PARP9: variants seen among roughly 807,000 people sequenced by gnomAD.
PARP9 encodes poly(ADP-ribose) polymerase family member 9, also known as protein mono-ADP-ribosyltransferase PARP9.
Under a neutral mutation model 68.8 loss-of-function variants are expected in PARP9, and 48 were observed. That is an observed-to-expected ratio of 0.70 (90% confidence interval 0.55 to 0.89). The LOEUF is 0.89. PARP9 is among the 40% of genes least tolerant of loss of function. The pLI, the probability that PARP9 is intolerant of heterozygous loss-of-function variation, is 0.00. For synonymous variants in PARP9, 309 were observed against 333.8 expected, an observed-to-expected ratio of 0.93 and a Z score of 0.81; for missense variants, 806 against 969.3, an observed-to-expected ratio of 0.83 and a Z score of 2.24.
intron 10 of PARP9, chr3:122,535,455 G>A (rs1448736320): frequency 1.0e-6 from 1 of 985,276 alleles, no homozygotes; most frequent in African/African-American, 1.7e-5. Context: ...ATATTTAATA[G>A]ACCAAGCAAA....
chr3:122,533,477 G>T (rs2077440114), intron 10 of PARP9: 1 of 160,966 alleles, frequency 6.2e-6, no homozygotes, highest in Non-Finnish European at 1.3e-5. Context: ...ATTGAGGTAG[G>T]AGTTGAGGCC....
intron 6 of PARP9, among the ~76,000 whole-genome samples, chr3:122,548,810 G>C (rs558096731): frequency 6.6e-6 from 1 of 152,106 alleles, no homozygotes; most frequent in Non-Finnish European, 1.5e-5. Flanking sequence ...AAAAGAATGG[G>C]TTGAATTTGA....
chr3:122,555,835 T>G lies in PARP9; in HGVS notation c.336A>C (p.Gly112=). The G allele has an allele frequency of 6.2e-7, 1 of 1,613,850 alleles. No homozygotes were observed. The highest frequency in any genetic ancestry group is 8.5e-7 in the Non-Finnish European group (1 of 1,179,994). ...CTTTTACCAGGGCCAGGGCCAGGCC[T>G]CCCCCATGCAGAAGATCTTCATTGG... is the stretch of plus-strand genomic sequence containing the variant. ...NAANEDLLHG[G]GLALALVKAG... The change falls in exon 4 of 11, where the codon GGA becomes GGC. Residue 112 remains glycine, a synonymous_variant. Transcript: ENST00000682323.
At chr3:122,555,200 A>C in intron 4 of PARP9, 86 bp downstream of exon 4, 1 of 1,259,756 alleles carries the variant, frequency 7.9e-7, no homozygotes, top group Non-Finnish European at 1.1e-6. Flanking sequence ...TGGTTTCTAC[A>C]TAGTGTTGCA....
At chr3:122,545,606 T>C in intron 6 of PARP9, 117 bp from the exon 7 acceptor site, 1 of 925,082 alleles carries the variant, frequency 1.1e-6, no homozygotes, top group South Asian at 1.4e-5. Context: ...GTCCCATTCC[T>C]ACTACCACAA....
At chr3:122,539,700 A>T (rs1288232422) in intron 8 of PARP9, among the ~76,000 whole-genome samples, 2 of 151,846 alleles carry the variant, frequency 1.3e-5, no homozygotes, top group South Asian at 4.1e-4. Context: ...AGCTGGGATT[A>T]CAAGCATGGG....
At chr3:122,563,905 G>A (rs2080456681) in intron 1 of PARP9, among the ~76,000 whole-genome samples, 1 of 152,124 alleles carries the variant, frequency 6.6e-6, no homozygotes, top group African/African-American at 2.4e-5. Flanking sequence ...AGCAATGGAG[G>A]AGAAAAGCCC....
At chr3:122,535,706 AT>A in intron 10 of PARP9, 1 of 990,878 alleles carries the variant, frequency 1.0e-6, no homozygotes, top group Non-Finnish European at 1.2e-6. Flanking sequence ...TACCTAATTC[AT>A]TCACTAGCAG....
Position 122,550,628 on chromosome 3 carries a change from T to C in PARP9, c.1282A>G (p.Thr428Ala), listed in dbSNP as rs746705184. 1 of 1,613,710 alleles carries C rather than the reference T, an allele frequency of 6.2e-7. No homozygotes were observed. The highest frequency in any genetic ancestry group is 8.5e-7 in the Non-Finnish European group (1 of 1,180,004). ...FAKDHVKHQL[T>A]VKFVIFPTDL... ...GTTGGAAAGATCACAAATTTTACAG[T>C]TAACTGGTGTTTTACATGGTCTTTG... The change falls in exon 6 of 11, where the codon ACT becomes GCT. Residue 428 changes from threonine (T) to alanine (A), a missense_variant. Around this residue, in one of 2 missense-constraint regions of PARP9, gnomAD observed 680 missense variants for 858.8 expected, o/e 0.79. Transcript: ENST00000682323.
In PARP9 at chr3:122,536,220, G is replaced by T. The variant is rs778806432; in HGVS notation, c.2028C>A (p.Phe676Leu). 7 of 1,614,154 alleles carry T rather than the reference G, an allele frequency of 4.3e-6. 1 individual carries two copies. The South Asian group carries it at 6.6e-5, about 15-fold the overall frequency. The part of the protein sequence containing the change: ...HRLFQQVPYQ[F>L]CNVVCRVGFQ... ...AGCCAACTCTGCATACCACATTGCA[G>T]AACTGGTATGGGACTTGCTGAAACA... The change falls in exon 10 of 11, where the codon TTC (phenylalanine) becomes TTA (leucine). Residue 676 changes from phenylalanine to leucine, a missense_variant. By Grantham distance (22) the Phe-to-Leu change is conservative (BLOSUM62 0). Coordinates refer to ENST00000682323, the MANE Select transcript of PARP9 (RefSeq NM_001146105.2).
intron 8 of PARP9, among the ~76,000 whole-genome samples, chr3:122,537,499 G>C (rs545954815): frequency 4.1e-4 from 62 of 152,268 alleles, no homozygotes; most frequent in Non-Finnish European, 7.6e-4. Flanking sequence ...AAAATTTTCA[G>C]TTTCCTTCCT....
At chr3:122,558,201 A>T in intron 3 of PARP9, 3 of 1,215,932 alleles carry the variant, frequency 2.5e-6, no homozygotes, top group Non-Finnish European at 3.4e-6. Flanking sequence ...GCTGTCGTTA[A>T]AAGAGTCTCA....
At chr3:122,539,632 T>C (rs148611359) in intron 8 of PARP9, among the ~76,000 whole-genome samples, 2 of 151,536 alleles carry the variant, frequency 1.3e-5, no homozygotes, top group East Asian at 3.9e-4. Context: ...TCGATCTTGG[T>C]TCACTGCAAC....
chr3:122,554,184 C>G (rs1162731204), intron 4 of PARP9, among the ~76,000 whole-genome samples: 1 of 152,128 alleles, frequency 6.6e-6, no homozygotes, highest in Non-Finnish European at 1.5e-5. Flanking sequence ...TCCTCTGCAT[C>G]TCTCTGATCA....
chr3:122,561,554 T>C (rs1196158100), intron 1 of PARP9, among the ~76,000 whole-genome samples: 1 of 152,228 alleles, frequency 6.6e-6, no homozygotes, highest in Non-Finnish European at 1.5e-5. Context: ...TTCTATAGTA[T>C]TTCACTCTTT....
rs140533617 is a variant in PARP9 at position 122,540,864 on chromosome 3, A to G, written c.1385-12T>C. 1,227 of 1,594,468 alleles carry G rather than the reference A, an allele frequency of 7.7e-4. No homozygotes were observed. Among genetic ancestry groups the G allele is most frequent in the Non-Finnish European group, 1.0e-3 (1,207 of 1,173,110 alleles). On this transcript the variant is annotated splice_polypyrimidine_tract_variant and intron_variant, in intron 7 of 10. Coordinates refer to ENST00000682323, the MANE Select transcript of PARP9 (RefSeq NM_001146105.2). ...GGTTGACTGGGGGACTGAAATGACT[A>G]TAATAAGCAACCATGGAAGACTAGC...
At chr3:122,555,044 T>A (rs981066062) in intron 4 of PARP9, among the ~76,000 whole-genome samples, 1 of 152,074 alleles carries the variant, frequency 6.6e-6, no homozygotes, top group East Asian at 1.9e-4. Flanking sequence ...TAAATTAAAA[T>A]TTTTTAAAGA....
At position 122,528,650 on chromosome 3, in the gene PARP9, T is replaced by G; in HGVS notation, c.2174A>C (p.Tyr725Ser). ...TGTGAGTACTTCAGCCTCAAACACA[T>G]AGATCAGCTTATCTGCAGCAGAGAT... ...KKISAADKLI[Y>S]VFEAEVLTGF... Residue 725 changes from tyrosine (Y) to serine (S), a missense_variant, in exon 11 of 11, where the codon TAT becomes TCT. This residue lies in a region of PARP9 where 680 missense variants were observed against 858.8 expected (regional missense o/e 0.79). Transcript: ENST00000682323. 5.0e-6 allele frequency: 8 copies of G among 1,614,164 alleles called. No homozygotes were observed. The highest frequency in any genetic ancestry group is 6.8e-6 in the Non-Finnish European group (8 of 1,180,016).
In PARP9 at chr3:122,555,949, C is replaced by T; in HGVS notation, c.222G>A (p.Val74=). ...VQEGNSKSLQ[V]FRKMLTPRIE... Reference sequence around the variant, plus strand: ...TCCTAGGAGTCAGCATTTTTCTGAACACTTGCAGAGATTTGCTGTTGCCTT... The same window carrying T: ...TCCTAGGAGTCAGCATTTTTCTGAATACTTGCAGAGATTTGCTGTTGCCTT... The change falls in exon 4 of 11, where the codon GTG becomes GTA. Residue 74 remains valine (V), a synonymous_variant. Transcript: ENST00000682323. 1 of 1,613,948 alleles carries T rather than the reference C, an allele frequency of 6.2e-7. No individual in the cohort carries two copies. Among genetic ancestry groups the T allele is most frequent in the Non-Finnish European group, 8.5e-7 (1 of 1,179,986 alleles).
Sources: allele counts gnomAD v4.1 joint callset (sites outside exome capture counted in the v4.1 genomes callset), GRCh38; gene constraint gnomAD v4.1.1; regional missense constraint gnomAD v4.1.1; transcripts MANE v1.5; gene names NCBI Gene and HGNC (gene_info 2026-07-23, HGNC 2026-07-21).